The following CFTR variants were observed in gnomAD, a reference collection of about 807,000 sequenced individuals.
CFTR encodes the protein cystic fibrosis transmembrane conductance regulator.
CFTR carries 181 observed loss-of-function variants against 171.6 expected under a neutral mutation model. That is an observed-to-expected ratio of 1.05 (90% CI 0.93 to 1.19). The LOEUF (loss-of-function observed/expected upper bound fraction) is 1.19. Ranked by LOEUF, CFTR falls within the 50% of genes most tolerant of loss-of-function variation. The pLI is 0.00. For missense variants in CFTR, 1,968 were observed against 1,734.7 expected (o/e 1.13, Z -2.39); for synonymous variants, 583 against 608.0 (o/e 0.96, Z 0.60).
chr7:117,608,654 A>G (rs1192046483), intron 18 of CFTR, among the ~76,000 whole-genome samples: 1 of 152,216 alleles, frequency 6.6e-6, no homozygotes, highest in Non-Finnish European at 1.5e-5. Context: ...CAAATACAGT[A>G]CAAATTTGGT....
At chr7:117,604,881 G>A (rs528971599) in intron 17 of CFTR, 1 of 152,334 alleles carries the variant, frequency 6.6e-6, no homozygotes, top group Non-Finnish European at 1.5e-5. Context: ...AGTCAGACAT[G>A]AGCGATGAGG....
At chr7:117,516,097 T>C (rs892360713) in intron 3 of CFTR, among the ~76,000 whole-genome samples, 4 of 152,346 alleles carry the variant, frequency 2.6e-5, no homozygotes, top group East Asian at 1.9e-4. Flanking sequence ...AGTTCTTTCA[T>C]TCCTTTGTAG....
At chr7:117,519,755 C>T (rs986300268) in intron 3 of CFTR, among the ~76,000 whole-genome samples, 4 of 151,864 alleles carry the variant, frequency 2.6e-5, no homozygotes, top group Non-Finnish European at 5.9e-5. Flanking sequence ...TGTTTTTCTA[C>T]CTAGTTACTT....
In CFTR at chr7:117,534,344, C is replaced by A. The variant is rs397508753; in HGVS notation, c.558C>A (p.Asn186Lys). 5 of 1,582,560 alleles carry A rather than the reference C, an allele frequency of 3.2e-6. No homozygotes were observed. The South Asian group carries it at 4.4e-5, about 14-fold the overall frequency. The change falls in exon 5 of 27, where the codon AAC becomes AAA. Residue 186 changes from asparagine to lysine, a missense_variant. Physicochemically the swap from Asn to Lys is moderately conservative, Grantham distance 94 (BLOSUM62 0). Transcript: ENST00000003084. ...SIGQLVSLLS[N>K]NLNKFDEGLA... is the part of the protein sequence containing the mutation. ...GACAACTTGTTAGTCTCCTTTCCAA[C>A]AACCTGAACAAATTTGATGAAGTAT...
At chr7:117,536,798 G>C in intron 7 of CFTR, 125 bp downstream of exon 7, 1 of 840,632 alleles carries the variant, frequency 1.2e-6, no homozygotes, top group Non-Finnish European at 1.9e-6. Flanking sequence ...TTGCATTTAA[G>C]TTCTGTCAAT....
chr7:117,537,250 C>T (rs1467784105), intron 7 of CFTR, among the ~76,000 whole-genome samples: 1 of 152,164 alleles, frequency 6.6e-6, no homozygotes, highest in South Asian at 2.1e-4. Context: ...TACTTGGCAC[C>T]TATCTCTAGT....
chr7:117,489,915 T>G (rs1428672113), intron 1 of CFTR, among the ~76,000 whole-genome samples: 1 of 152,032 alleles, frequency 6.6e-6, no homozygotes, highest in African/African-American at 2.4e-5. Context: ...CACTAGGTAT[T>G]GGGGCTCATA....
intron 3 of CFTR, among the ~76,000 whole-genome samples, chr7:117,509,652 TC>T (rs1174853682): frequency 1.8e-4 from 27 of 152,310 alleles, no homozygotes; most frequent in African/African-American, 5.3e-4. Flanking sequence ...TTTAAAGTTC[TC>T]TTGCAATATA....
At chr7:117,648,657 G>C (rs549803962) in intron 23 of CFTR, among the ~76,000 whole-genome samples, 1 of 152,184 alleles carries the variant, frequency 6.6e-6, no homozygotes, top group Non-Finnish European at 1.5e-5. Context: ...GGCAAACCAC[G>C]TAACTTCTCA....
At chr7:117,524,098 GT>G (rs1407501075) in intron 3 of CFTR, among the ~76,000 whole-genome samples, 2 of 152,122 alleles carry the variant, frequency 1.3e-5, no homozygotes, top group African/African-American at 2.4e-5. Flanking sequence ...TCGTATGTCT[GT>G]ATAGATATAT....
rs397508591 is a variant in CFTR, at chr7:117,627,687, G to T, written c.3634G>T (p.Val1212Phe). 1.9e-6 allele frequency: 3 copies of T among 1,613,162 alleles called. No homozygotes were observed. Among genetic ancestry groups the T allele is most frequent in the Non-Finnish European group, 2.5e-6 (3 of 1,179,514 alleles). The part of the protein sequence containing the change: ...DIWPSGGQMT[V>F]KDLTAKYTEG... The stretch of plus-strand genomic sequence containing the variant: ...CTGGCCCTCAGGGGGCCAAATGACT[G>T]TCAAAGATCTCACAGCAAAATACAC... Residue 1212 changes from valine to phenylalanine, a missense_variant, in exon 22 of 27, where the codon GTC becomes TTC. Physicochemically the swap from Val to Phe is conservative, Grantham distance 50. Coordinates refer to ENST00000003084, the MANE Select transcript of CFTR (RefSeq NM_000492.4).
intron 9 of CFTR, among the ~76,000 whole-genome samples, chr7:117,545,038 C>T (rs923371937): frequency 6.6e-6 from 1 of 152,184 alleles, no homozygotes; most frequent in Admixed American, 6.5e-5. Flanking sequence ...AAGACATACC[C>T]AAGAATGGGC....
intron 22 of CFTR, among the ~76,000 whole-genome samples, chr7:117,638,897 A>G (rs1222148480): frequency 1.3e-5 from 2 of 152,116 alleles, no homozygotes; most frequent in Admixed American, 6.5e-5. Flanking sequence ...CTCCAAACAT[A>G]CTTCTTATGT....
intron 3 of CFTR, among the ~76,000 whole-genome samples, chr7:117,530,016 T>A (rs1272872734): frequency 6.6e-6 from 1 of 152,180 alleles, no homozygotes; most frequent in East Asian, 1.9e-4. Flanking sequence ...GAGTTCAAAA[T>A]CCCTGGATTC....
chr7:117,604,289 AG>A (rs1476721112), intron 17 of CFTR, among the ~76,000 whole-genome samples: 2 of 152,218 alleles, frequency 1.3e-5, no homozygotes, highest in African/African-American at 4.8e-5. Flanking sequence ...TCATATTTGA[AG>A]TAATAGAAAG....
rs1791953447 is a variant in CFTR at position 117,587,424 on chromosome 7, T to C, written c.1585-315T>C. On this transcript the variant is annotated intron_variant, in intron 11 of 26. Coordinates refer to ENST00000003084, the MANE Select transcript of CFTR (RefSeq NM_000492.4). ...AACATTTGAATTTGTAAAATGGACC[T>C]ATGGATGATCTACACATATTTATAT... Among the ~76,000 whole-genome samples the C allele has an allele frequency of 1.5e-5, 2 of 132,722 alleles. 1 individual carries two copies. The highest frequency in any genetic ancestry group is 4.9e-4 in the South Asian group (2 of 4,120). The allele number at this position is 132,722 out of a possible 152,430, so 87.1% of individuals were successfully genotyped here.
intron 11 of CFTR, among the ~76,000 whole-genome samples, chr7:117,570,614 G>A: frequency 6.6e-6 from 1 of 152,102 alleles, no homozygotes; most frequent in Non-Finnish European, 1.5e-5. Flanking sequence ...TAATTGGTGG[G>A]ACCAGCAATA....
intron 9 of CFTR, among the ~76,000 whole-genome samples, chr7:117,545,588 T>C (rs1181421206): frequency 1.3e-5 from 2 of 152,198 alleles, no homozygotes; most frequent in Non-Finnish European, 2.9e-5. Flanking sequence ...ATAGCATCCC[T>C]GAGAGGCAAG....
intron 10 of CFTR, among the ~76,000 whole-genome samples, chr7:117,552,734 T>C (rs914105611): frequency 5.9e-5 from 9 of 152,110 alleles, no homozygotes; most frequent in African/African-American, 1.9e-4. Context: ...CATTTTTTAT[T>C]ATTCCCCACC....
Sources: gnomAD v4.1 joint callset for allele counts (sites outside exome capture counted in the v4.1 genomes callset) on GRCh38, gnomAD v4.1.1 for gene constraint, MANE v1.5 for transcripts, NCBI Gene and HGNC (gene_info 2026-07-23, HGNC 2026-07-21) for gene names.